Variants in NRIP3 observed in about 807,000 individuals in gnomAD.
NRIP3 encodes nuclear receptor interacting protein 3.
Under a neutral mutation model 29.0 loss-of-function variants are expected in NRIP3, and 31 were observed. The ratio of observed to expected loss-of-function variants is 1.07; its 90% CI spans 0.80 to 1.44. NRIP3 has a LOEUF of 1.44. Among genes scored for constraint, NRIP3 ranks in the 40% most tolerant of loss-of-function variants. NRIP3 has a pLI of 0.00. For synonymous variants in NRIP3, 131 were observed against 118.3 expected, an observed-to-expected ratio of 1.11 and a Z score of -0.70; for missense variants, 314 against 297.9, an observed-to-expected ratio of 1.05 and a Z score of -0.40.
chr11:8,993,581 G>A (rs1266901844), intron 1 of NRIP3, among the ~76,000 whole-genome samples: 2 of 152,062 alleles, frequency 1.3e-5, no homozygotes, highest in Non-Finnish European at 2.9e-5. Context: ...GGCCAAGGCG[G>A]GCGGATTGCT....
At chr11:8,992,261 C>T (rs1247668522) in intron 1 of NRIP3, among the ~76,000 whole-genome samples, 1 of 152,010 alleles carries the variant, frequency 6.6e-6, no homozygotes, top group African/African-American at 2.4e-5. Flanking sequence ...GAGGAGAATG[C>T]CAAAAGTTTA....
At chr11:9,004,022 C>T, upstream of NRIP3, 1 of 1,289,594 alleles carries the variant, frequency 7.8e-7, no homozygotes, top group Non-Finnish European at 1.0e-6. Flanking sequence ...CCCCGAGCCG[C>T]GCCTTTTATA....
At chr11:8,990,863 C>T (rs1237881162) in intron 1 of NRIP3, among the ~76,000 whole-genome samples, 1 of 152,106 alleles carries the variant, frequency 6.6e-6, no homozygotes, top group Non-Finnish European at 1.5e-5. Context: ...ATCTCTCAAG[C>T]CCTTCTCAGT....
In NRIP3 at chr11:8,982,934, G is replaced by A. The variant is rs935995502; in HGVS notation, c.*611C>T. 5.5e-5 allele frequency: 25 copies of A among 455,382 alleles called. No homozygotes were observed. The East Asian group carries it at 1.0e-3, about 19-fold the overall frequency. 28.2% of individuals were successfully genotyped at this position (455,382 alleles called of 1,614,324 possible). A position where few individuals can be genotyped will look rare whatever the true frequency, so the allele number is the denominator to read the frequency against. On this transcript the variant is annotated 3_prime_UTR_variant, in exon 7 of 7. Transcript: ENST00000309166. ...GTCTTGGCTTGGAAATCAGGTCTGC[G>A]TTCTTGGTCCCTTCAGTCACTGACC... is the stretch of plus-strand genomic sequence containing the variant.
intron 4 of NRIP3, 59 bp from the exon 5 acceptor site, chr11:8,984,183 G>T (rs922711446): frequency 1.2e-5 from 13 of 1,123,220 alleles, no homozygotes; most frequent in Non-Finnish European, 1.8e-5. Flanking sequence ...TTAGAAGTTG[G>T]CCTAATCACT....
In NRIP3 at chr11:8,988,177, C is replaced by A; in HGVS notation, c.280G>T (p.Ala94Ser). The change falls in exon 2 of 7, where the codon GCT (alanine) becomes TCT (serine). Residue 94 changes from alanine (A) to serine (S), a missense_variant. By Grantham distance (99) the Ala-to-Ser change is moderately conservative. Coordinates refer to ENST00000309166, the MANE Select transcript of NRIP3 (RefSeq NM_020645.3). ...GACTTCTTTAGCCCCTCAGACTTAG[C>A]CTGATTGAGTTTGTTCGTCTTAGAG... Reference protein sequence around the residue: ...WASKTNKLNQAKSEGLKKSEE... With the variant: ...WASKTNKLNQSKSEGLKKSEE... 3 of 1,614,156 alleles carry A rather than the reference C, an allele frequency of 1.9e-6. No homozygotes were observed. The highest frequency in any genetic ancestry group is 8.5e-7 in the Non-Finnish European group (1 of 1,180,028).
At chr11:8,996,078 A>G (rs1172000966) in intron 1 of NRIP3, among the ~76,000 whole-genome samples, 1 of 151,994 alleles carries the variant, frequency 6.6e-6, no homozygotes, top group Non-Finnish European at 1.5e-5. Context: ...AACAAATCTC[A>G]CTATTTCTTT....
chr11:8,984,231 A>G lies in NRIP3; in HGVS notation c.563-107T>C, dbSNP rs911201174. On this transcript the variant is annotated intron_variant, in intron 4 of 6. Transcript: ENST00000309166. ...CCATCCATCCAATAACATCCAATAA[A>G]CATATATTGAGCATGTGTTATTTTT... The G allele has an allele frequency of 6.2e-5, 45 of 725,120 alleles. No homozygotes were observed. The Admixed American group carries it at 6.3e-4, about 10-fold the overall frequency. The allele number at this position is 725,120 out of a possible 1,614,324, so 44.9% of individuals were successfully genotyped here.
At chr11:8,990,007 G>A (rs1854573665) in intron 1 of NRIP3, among the ~76,000 whole-genome samples, 1 of 152,264 alleles carries the variant, frequency 6.6e-6, no homozygotes, top group East Asian at 1.9e-4. Context: ...ATCTTGCAAA[G>A]GAACCTAATC....
At chr11:8,987,912 G>A (rs1854542409) in intron 2 of NRIP3, among the ~76,000 whole-genome samples, 1 of 152,138 alleles carries the variant, frequency 6.6e-6, no homozygotes, top group Non-Finnish European at 1.5e-5. Context: ...ATACCCATTT[G>A]TAAATCTGAT....
chr11:8,985,384 T>C (rs1589958564), intron 4 of NRIP3, among the ~76,000 whole-genome samples: 1 of 149,340 alleles, frequency 6.7e-6, no homozygotes, highest in Non-Finnish European at 1.5e-5. Context: ...TTAGCTAGGA[T>C]GGTCTCGATC....
At chr11:8,998,784 ATTTTTTT>A (rs767253373) in intron 1 of NRIP3, among the ~76,000 whole-genome samples, 12 of 77,604 alleles carry the variant, frequency 1.5e-4, no homozygotes, top group African/African-American at 4.1e-4. Flanking sequence ...CAAACTCTTC[ATTTTTTT>A]TTTTTTTTTT....
chr11:9,003,610 C>T, intron 1 of NRIP3, 152 bp downstream of exon 1: 1 of 720,994 alleles, frequency 1.4e-6, no homozygotes, highest in Non-Finnish European at 2.1e-6. Flanking sequence ...AGCAGGGGTA[C>T]TGGAAGGGGA....
chr11:8,988,982 C>A (rs1034454324), intron 1 of NRIP3, among the ~76,000 whole-genome samples: 11 of 152,252 alleles, frequency 7.2e-5, no homozygotes, highest in Non-Finnish European at 1.5e-5. Flanking sequence ...ACACTGGTTT[C>A]TCCTGCCCTA....
At chr11:8,999,489 T>TG (rs1468851244) in intron 1 of NRIP3, among the ~76,000 whole-genome samples, 1 of 152,210 alleles carries the variant, frequency 6.6e-6, no homozygotes, top group African/African-American at 2.4e-5. Flanking sequence ...ATCACCCCTC[T>TG]GCTCAAAATA....
At position 9,003,916 on chromosome 11, in the gene NRIP3, A is replaced by G; in HGVS notation, c.20T>C (p.Leu7Pro). The change falls in exon 1 of 7, where the codon CTC (leucine) becomes CCC (proline). Residue 7 changes from leucine (L) to proline (P), a missense_variant. Leu to Pro is a moderately conservative substitution (Grantham distance 98, BLOSUM62 -3). Transcript: ENST00000309166. ...GGTCTCCTTGCGGCCGCCCTCAGTG[A>G]GGAGCCCTGAGTAAAACATCGCTGA... Reference protein sequence around the residue: MFYSGLLTEGGRKETDM... With the variant: MFYSGLPTEGGRKETDM... The G allele has an allele frequency of 6.6e-7, 1 of 1,515,072 alleles. No individual in the cohort carries two copies. The highest frequency in any genetic ancestry group is 8.8e-7 in the Non-Finnish European group (1 of 1,132,652). 93.9% of individuals were successfully genotyped at this position (1,515,072 alleles called of 1,614,324 possible).
At chr11:8,984,453 G>C (rs1045948752) in intron 4 of NRIP3, among the ~76,000 whole-genome samples, 1 of 152,112 alleles carries the variant, frequency 6.6e-6, no homozygotes, top group Non-Finnish European at 1.5e-5. Flanking sequence ...AGTAGAGACA[G>C]GGTTTTGCCA....
chr11:8,984,510 G>A lies in NRIP3; in HGVS notation c.563-386C>T, dbSNP rs186419465. 3.0e-3 allele frequency among the ~76,000 whole-genome samples: 460 copies of A among 152,144 alleles called. 2 individuals are homozygous for A. Among genetic ancestry groups the A allele is most frequent in the African/African-American group, 0.01 (434 of 41,514 alleles). ...ACTCCTGACCTCAGGAGATCCACCCGCCTCAGCCTCCCAAAGTGTTGGGAT... is the reference window on the plus strand; with the variant it reads ...ACTCCTGACCTCAGGAGATCCACCCACCTCAGCCTCCCAAAGTGTTGGGAT... On this transcript the variant is annotated intron_variant, in intron 4 of 6. Transcript: ENST00000309166.
rs540160924 is a variant in NRIP3 at position 8,989,512 on chromosome 11, C to A, written c.175-1230G>T. On this transcript the variant is annotated intron_variant, in intron 1 of 6. Coordinates refer to ENST00000309166, the MANE Select transcript of NRIP3 (RefSeq NM_020645.3). ...CAGTGTATCTGCCACCTTTCAGATTCCTAAGGAAGAATGCAGTCACAGCCA... is the reference window on the plus strand; with the variant it reads ...CAGTGTATCTGCCACCTTTCAGATTACTAAGGAAGAATGCAGTCACAGCCA... Among the ~76,000 whole-genome samples the A allele has an allele frequency of 1.1e-3, 166 of 152,276 alleles. 2 individuals carry two copies. The highest frequency in any genetic ancestry group is 3.7e-3 in the African/African-American group (155 of 41,552).
Sources: gnomAD v4.1 joint callset for allele counts (sites outside exome capture counted in the v4.1 genomes callset) on GRCh38, gnomAD v4.1.1 for gene constraint, MANE v1.5 for transcripts, NCBI Gene and HGNC (gene_info 2026-07-23, HGNC 2026-07-21) for gene names.